The following ACVR2A variants were observed in gnomAD, a reference collection of about 807,000 sequenced individuals.
The protein encoded by ACVR2A is activin A receptor type 2A.
ACVR2A carries 7 observed loss-of-function variants against 61.4 expected under a neutral mutation model. That is an observed-to-expected ratio of 0.11 (90% CI 0.06 to 0.21). The LOEUF is 0.21. Among genes scored for constraint, ACVR2A ranks in the 10% least tolerant of loss-of-function variants. The pLI is 1.00. For missense variants in ACVR2A, 322 were observed against 621.7 expected, an observed-to-expected ratio of 0.52 and a Z score of 5.13; for synonymous variants, 193 against 208.3, an observed-to-expected ratio of 0.93 and a Z score of 0.63.
chr2:147,858,543 C>A (rs1685646758), intron 1 of ACVR2A, among the ~76,000 whole-genome samples: 1 of 152,096 alleles, frequency 6.6e-6, no homozygotes, highest in African/African-American at 2.4e-5. Context: ...TTCCTCTGAG[C>A]TTTTTTTCAC....
rs1238989309 is a variant in ACVR2A, at chr2:147,925,379, CT to C, written c.1217-651del. Among the ~76,000 whole-genome samples, 4 of 151,966 alleles carry C rather than the reference CT, an allele frequency of 2.6e-5. 1 individual carries two copies. Among genetic ancestry groups the C allele is most frequent in the African/African-American group, 2.4e-5 (1 of 41,400 alleles). On this transcript the variant is annotated intron_variant, in intron 9 of 10. Transcript: ENST00000241416. ...CTCCTAAATACAATTTTCTATTTAT[CT>C]GAGTAGGCCTAAGAAAAAAGGAATT...
chr2:147,853,198 A>G (rs763110894), intron 1 of ACVR2A, among the ~76,000 whole-genome samples: 6 of 152,186 alleles, frequency 3.9e-5, no homozygotes, highest in Non-Finnish European at 7.4e-5. Context: ...AAGCATGAAT[A>G]GAAATAAAGA....
chr2:147,845,103 A>G lies in ACVR2A; in HGVS notation c.-50A>G. 1 of 1,516,398 alleles carries G rather than the reference A, an allele frequency of 6.6e-7. No homozygotes were observed. The highest frequency in any genetic ancestry group is 1.5e-5 in the African/African-American group (1 of 68,800). 93.9% of individuals were successfully genotyped at this position (1,516,398 alleles called of 1,614,324 possible). Reference sequence around the variant, plus strand: ...TTTGTCTCCGAGGAAGACCCAGGGAACTGGATATCTAGCGAGAACTTCCTC... The same window carrying G: ...TTTGTCTCCGAGGAAGACCCAGGGAGCTGGATATCTAGCGAGAACTTCCTC... On this transcript the variant is annotated 5_prime_UTR_variant, in exon 1 of 11. Transcript: ENST00000241416.
intron 1 of ACVR2A, among the ~76,000 whole-genome samples, chr2:147,876,850 A>C (rs1245560060): frequency 6.6e-6 from 1 of 152,176 alleles, no homozygotes; most frequent in East Asian, 1.9e-4. Context: ...AGTTGCTTAA[A>C]TTGAGAGCAG....
chr2:147,856,813 TA>T (rs1301619143), intron 1 of ACVR2A, among the ~76,000 whole-genome samples: 1 of 152,236 alleles, frequency 6.6e-6, no homozygotes, highest in Non-Finnish European at 1.5e-5. Context: ...ACCATCTTTT[TA>T]ATTCTATATT....
chr2:147,883,438 G>A (rs1398825532), intron 1 of ACVR2A, among the ~76,000 whole-genome samples: 3 of 152,112 alleles, frequency 2.0e-5, no homozygotes, highest in Non-Finnish European at 4.4e-5. Flanking sequence ...TTATCTGCCC[G>A]CCTTGGCTTC....
At chr2:147,893,435 C>CT (rs1346577943) in intron 1 of ACVR2A, among the ~76,000 whole-genome samples, 1 of 150,052 alleles carries the variant, frequency 6.7e-6, no homozygotes, top group African/African-American at 2.4e-5. Context: ...TATGTTTTAA[C>CT]TTTAAGAAGC....
intron 4 of ACVR2A, among the ~76,000 whole-genome samples, chr2:147,908,048 A>G (rs1347308576): frequency 2.1e-5 from 3 of 142,870 alleles, no homozygotes; most frequent in Non-Finnish European, 4.7e-5. Flanking sequence ...CAAAAAAAAA[A>G]AAAAAAGAAA....
At chr2:147,851,362 C>G (rs1309536844) in intron 1 of ACVR2A, among the ~76,000 whole-genome samples, 1 of 150,878 alleles carries the variant, frequency 6.6e-6, no homozygotes, top group Non-Finnish European at 1.5e-5. Context: ...GTTACTTCAC[C>G]TTTGTGTGCC....
chr2:147,873,470 CT>C (rs1686075553), intron 1 of ACVR2A, among the ~76,000 whole-genome samples: 1 of 151,848 alleles, frequency 6.6e-6, no homozygotes, highest in Non-Finnish European at 1.5e-5. Context: ...ATATTAGCCA[CT>C]TTTCTAGGAC....
chr2:147,922,801 T>C (rs1231909249), intron 8 of ACVR2A, among the ~76,000 whole-genome samples, 172 bp from the exon 9 acceptor site: 1 of 152,140 alleles, frequency 6.6e-6, no homozygotes, highest in Non-Finnish European at 1.5e-5. Flanking sequence ...GCATAATGTC[T>C]GTTGATATAT....
At chr2:147,904,021 G>T (rs1686931488) in intron 4 of ACVR2A, among the ~76,000 whole-genome samples, 1 of 151,896 alleles carries the variant, frequency 6.6e-6, no homozygotes, top group East Asian at 1.9e-4. Flanking sequence ...AAATCTTGAG[G>T]CCATGATTTT....
chr2:147,860,826 A>G (rs1223656072), intron 1 of ACVR2A, among the ~76,000 whole-genome samples: 1 of 152,184 alleles, frequency 6.6e-6, no homozygotes, highest in Admixed American at 6.5e-5. Flanking sequence ...AGTTTTAACT[A>G]TGTAGTAGTA....
Position 147,845,124 on chromosome 2 carries a change from T to G in ACVR2A, c.-29T>G. ...GGGAACTGGATATCTAGCGAGAACT[T>G]CCTCCGGATTCCCCGGCGCCTCGGG... On this transcript the variant is annotated 5_prime_UTR_variant, in exon 1 of 11. Transcript: ENST00000241416. The G allele has an allele frequency of 6.2e-7, 1 of 1,602,532 alleles. No individual in the cohort carries two copies. The highest frequency in any genetic ancestry group is 1.4e-5 in the African/African-American group (1 of 73,910).
intron 1 of ACVR2A, among the ~76,000 whole-genome samples, chr2:147,874,853 T>C (rs1333553503): frequency 6.6e-6 from 1 of 151,956 alleles, no homozygotes; most frequent in Non-Finnish European, 1.5e-5. Context: ...TAAAAGTAGG[T>C]TTAAGTTAAA....
At chr2:147,872,818 T>C (rs1686057777) in intron 1 of ACVR2A, among the ~76,000 whole-genome samples, 1 of 151,902 alleles carries the variant, frequency 6.6e-6, no homozygotes, top group South Asian at 2.1e-4. Context: ...GCCATCACTT[T>C]ACCTTCTTGG....
chr2:147,907,151 C>G (rs1436326202), intron 4 of ACVR2A, among the ~76,000 whole-genome samples: 5 of 152,096 alleles, frequency 3.3e-5, no homozygotes, highest in East Asian at 1.9e-4. Flanking sequence ...TCATCCATGT[C>G]CCTGCAAAGG....
chr2:147,924,091 T>C (rs1687447192), intron 9 of ACVR2A, among the ~76,000 whole-genome samples: 2 of 151,992 alleles, frequency 1.3e-5, no homozygotes, highest in Admixed American at 6.6e-5. Flanking sequence ...CTAAGAAAAG[T>C]TGAAGCAATT....
intron 1 of ACVR2A, among the ~76,000 whole-genome samples, chr2:147,856,563 C>T (rs1685578156): frequency 6.6e-6 from 1 of 152,072 alleles, no homozygotes; most frequent in African/African-American, 2.4e-5. Context: ...TTAGTGAATA[C>T]AGTTTGCTAA....
Sources: gnomAD v4.1 joint callset for allele counts (sites outside exome capture counted in the v4.1 genomes callset) on GRCh38, gnomAD v4.1.1 for gene constraint, MANE v1.5 for transcripts, NCBI Gene and HGNC (gene_info 2026-07-23, HGNC 2026-07-21) for gene names.